LIN7A: variants seen among roughly 807,000 people sequenced by gnomAD.
The protein encoded by LIN7A is protein lin-7 homolog A.
LIN7A carries 25 observed loss-of-function variants against 29.8 expected under a neutral mutation model. The ratio of observed to expected loss-of-function variants is 0.84; its 90% CI spans 0.61 to 1.17. The LOEUF is 1.17. LIN7A is among the 50% of genes most tolerant of loss of function. The probability of loss-of-function intolerance (pLI) is 0.00; values close to 1 mark genes in which losing one functional copy is unlikely to be tolerated. For synonymous variants in LIN7A, 118 were observed against 107.5 expected, an observed-to-expected ratio of 1.10 and a Z score of -0.60; for missense variants, 239 against 287.0, an observed-to-expected ratio of 0.83 and a Z score of 1.21.
intron 1 of LIN7A, among the ~76,000 whole-genome samples, chr12:80,906,666 C>T (rs1876490539): frequency 6.6e-6 from 1 of 152,004 alleles, no homozygotes; most frequent in Non-Finnish European, 1.5e-5. Context: ...CATGGCCTTC[C>T]TGAGGGTGCA....
intron 4 of LIN7A, among the ~76,000 whole-genome samples, chr12:80,833,322 C>G (rs1392330311): frequency 6.6e-6 from 1 of 152,168 alleles, no homozygotes; most frequent in Admixed American, 6.5e-5. Context: ...CTATTCTTCA[C>G]CTTGCATATC....
At position 80,814,794 on chromosome 12, in the gene LIN7A, C is replaced by T. The variant is rs557126579; in HGVS notation, c.484-3111G>A. Among the ~76,000 whole-genome samples, 9 of 152,254 alleles carry T rather than the reference C, an allele frequency of 5.9e-5. No homozygotes were observed. The South Asian group carries it at 1.7e-3, about 28-fold the overall frequency. On this transcript the variant is annotated intron_variant, in intron 4 of 5. Coordinates refer to ENST00000552864, the MANE Select transcript of LIN7A (RefSeq NM_004664.4). ...TTTTCAATTCCAGAAATTTTGCCTT[C>T]ATGCTTTATCTTCAGTTTAGACAAG...
chr12:80,870,326 G>T (rs1874363811), intron 2 of LIN7A, among the ~76,000 whole-genome samples: 1 of 152,200 alleles, frequency 6.6e-6, no homozygotes, highest in South Asian at 2.1e-4. Context: ...CCTCTAAAGT[G>T]TGGATTAAAT....
intron 5 of LIN7A, among the ~76,000 whole-genome samples, chr12:80,807,078 T>TTTTG (rs1565883847): frequency 1.7e-5 from 2 of 115,098 alleles, no homozygotes; most frequent in Admixed American, 8.3e-5. Context: ...TTTTTTTTTT[T>TTTTG]TTTTTTTTTT....
chr12:80,845,853 A>G lies in LIN7A; in HGVS notation c.360T>C (p.Phe120=). 5 of 1,613,952 alleles carry G rather than the reference A, an allele frequency of 3.1e-6. No individual in the cohort carries two copies. The highest frequency in any genetic ancestry group is 3.4e-6 in the Non-Finnish European group (4 of 1,179,928). Residue 120 remains phenylalanine, a synonymous_variant, in exon 4 of 6, where the codon TTT becomes TTC. Coordinates refer to ENST00000552864, the MANE Select transcript of LIN7A (RefSeq NM_004664.4). ...ELPKTDEGLG[F]NVMGGKEQNS... is the part of the protein sequence containing the mutation. ...TTTGCTCCTTTCCTCCCATCACATT[A>G]AAACCAAGGCCTTCATCAGTCTTTG...
chr12:80,836,949 T>C (rs1172316548), intron 4 of LIN7A, among the ~76,000 whole-genome samples: 1 of 151,824 alleles, frequency 6.6e-6, no homozygotes, highest in South Asian at 2.1e-4. Context: ...TTTTTTTTTT[T>C]CTCATCAAAG....
At chr12:80,814,726 C>T (rs1871451601) in intron 4 of LIN7A, among the ~76,000 whole-genome samples, 1 of 152,182 alleles carries the variant, frequency 6.6e-6, no homozygotes. Context: ...CTGCTCTGCC[C>T]TCTCCCACAC....
In LIN7A at chr12:80,883,799, C is replaced by A. The variant is rs144565441; in HGVS notation, c.201+5452G>T. ...GCCAAGTTGGGATTCAAACTTTGGT[C>A]AATTTGACCACAACACTACTCTATG... On this transcript the variant is annotated intron_variant, in intron 2 of 5. Transcript: ENST00000552864. Among the ~76,000 whole-genome samples, 40 of 152,262 alleles carry A rather than the reference C, an allele frequency of 2.6e-4. 3 individuals carry two copies. Among genetic ancestry groups the A allele is most frequent in the African/African-American group, 9.1e-4 (38 of 41,552 alleles).
chr12:80,813,475 G>A (rs948559836), intron 4 of LIN7A, among the ~76,000 whole-genome samples: 47 of 152,234 alleles, frequency 3.1e-4, no homozygotes, highest in Admixed American at 3.0e-3. Flanking sequence ...CTTATTATAA[G>A]TGAATAATTT....
intron 1 of LIN7A, among the ~76,000 whole-genome samples, chr12:80,899,786 T>TTTTTTA (rs1876108294): frequency 6.9e-6 from 1 of 144,674 alleles, no homozygotes; most frequent in East Asian, 2.0e-4. Context: ...TTTTTTTTTT[T>TTTTTTA]GAGATCGAGT....
intron 5 of LIN7A, among the ~76,000 whole-genome samples, chr12:80,807,354 G>A (rs912837639): frequency 1.3e-5 from 2 of 152,112 alleles, no homozygotes; most frequent in South Asian, 2.1e-4. Flanking sequence ...ACAGGCATGA[G>A]CCACCGCACC....
chr12:80,824,957 A>C (rs1871989392), intron 4 of LIN7A, among the ~76,000 whole-genome samples: 1 of 152,182 alleles, frequency 6.6e-6, no homozygotes. Flanking sequence ...CTGCAACAAG[A>C]CAAGGATGCC....
chr12:80,886,081 T>C (rs1308041012), intron 2 of LIN7A, among the ~76,000 whole-genome samples: 1 of 152,148 alleles, frequency 6.6e-6, no homozygotes, highest in Non-Finnish European at 1.5e-5. Flanking sequence ...TTCTTTTCTC[T>C]GTTTTGCATG....
At chr12:80,807,077 T>TTTTTTTTTTTTTTG (rs1555221366) in intron 5 of LIN7A, among the ~76,000 whole-genome samples, 8,401 of 115,014 alleles carry the variant, frequency 0.073, 716 homozygotes, top group Non-Finnish European at 0.096. Context: ...TTTTTTTTTT[T>TTTTTTTTTTTTTTG]TTTTTTTTTT....
intron 2 of LIN7A, among the ~76,000 whole-genome samples, chr12:80,880,838 T>C (rs184832259): frequency 1.3e-5 from 2 of 152,116 alleles, no homozygotes; most frequent in African/African-American, 2.4e-5. Context: ...ATCAGAGTTT[T>C]ACTGAAACAA....
chr12:80,826,268 CT>C (rs1307145005), intron 4 of LIN7A, among the ~76,000 whole-genome samples: 1 of 152,212 alleles, frequency 6.6e-6, no homozygotes, highest in Non-Finnish European at 1.5e-5. Context: ...AATGCTCTAA[CT>C]GGCTCTAACC....
chr12:80,911,019 T>C (rs1296524180), intron 1 of LIN7A, among the ~76,000 whole-genome samples: 1 of 152,186 alleles, frequency 6.6e-6, no homozygotes, highest in Non-Finnish European at 1.5e-5. Context: ...GCAGGAATTA[T>C]TCTCTGTGAA....
chr12:80,857,536 A>ATGTC (rs1873664083), intron 2 of LIN7A, among the ~76,000 whole-genome samples: 2 of 152,114 alleles, frequency 1.3e-5, no homozygotes, highest in Admixed American at 1.3e-4. Flanking sequence ...GCTCAACTAC[A>ATGTC]TGACTCAGAC....
chr12:80,917,150 G>C (rs1361451763), intron 1 of LIN7A, among the ~76,000 whole-genome samples: 2 of 152,114 alleles, frequency 1.3e-5, no homozygotes, highest in Admixed American at 1.3e-4. Flanking sequence ...TATTATCTAA[G>C]GAAAAAGCAT....
Sources: allele counts gnomAD v4.1 joint callset (sites outside exome capture counted in the v4.1 genomes callset), GRCh38; gene constraint gnomAD v4.1.1; transcripts MANE v1.5; gene names NCBI Gene and HGNC (gene_info 2026-07-23, HGNC 2026-07-21).